RNF24: variants seen among roughly 807,000 people sequenced by gnomAD.
RNF24 encodes ring finger protein 24.
Under a neutral mutation model 20.0 loss-of-function variants are expected in RNF24, and 14 were observed. The ratio of observed to expected loss-of-function variants is 0.70; its 90% CI spans 0.46 to 1.10. The LOEUF (loss-of-function observed/expected upper bound fraction) is 1.10. RNF24 is among the 50% of genes least tolerant of loss of function. The probability of loss-of-function intolerance (pLI) is 0.00; values close to 1 mark genes in which losing one functional copy is unlikely to be tolerated. For missense variants in RNF24, 124 were observed against 177.6 expected (o/e 0.70, Z 1.71); for synonymous variants, 45 against 61.1 (o/e 0.74, Z 1.23).
chr20:3,945,034 G>A, intron 4 of RNF24, 143 bp downstream of exon 4: 1 of 1,037,914 alleles, frequency 9.6e-7, no homozygotes, highest in East Asian at 2.7e-5. Context: ...ATTTTTATGT[G>A]ACCTCACCCT....
chr20:3,962,921 G>A (rs565507670), intron 2 of RNF24, among the ~76,000 whole-genome samples: 206 of 151,970 alleles, frequency 1.4e-3, no homozygotes, highest in Non-Finnish European at 2.4e-3. Flanking sequence ...GGCTGGTCTC[G>A]AACTCCCGAC....
At chr20:4,002,251 T>C (rs1257997334) in intron 1 of RNF24, among the ~76,000 whole-genome samples, 1 of 151,812 alleles carries the variant, frequency 6.6e-6, no homozygotes, top group Non-Finnish European at 1.5e-5. Context: ...CCCGGCGTGG[T>C]GGTGGGCGCC....
At chr20:3,973,573 T>TA (rs1213961807) in intron 1 of RNF24, among the ~76,000 whole-genome samples, 1 of 145,988 alleles carries the variant, frequency 6.8e-6, no homozygotes, top group Non-Finnish European at 1.5e-5. Context: ...GAGAGATCAC[T>TA]ACAGACACTG....
intron 1 of RNF24, among the ~76,000 whole-genome samples, chr20:3,972,540 CT>C (rs1194389511): frequency 2.6e-5 from 4 of 152,136 alleles, no homozygotes; most frequent in African/African-American, 9.7e-5. Flanking sequence ...CAACACACTA[CT>C]AAATAATCTA....
chr20:3,998,029 T>C lies in RNF24; in HGVS notation c.-8+17408A>G, dbSNP rs375552228. Among the ~76,000 whole-genome samples the C allele has an allele frequency of 7.2e-5, 11 of 152,364 alleles. No individual in the cohort carries two copies. In the Middle Eastern group the frequency reaches 0.017, roughly 236 times the overall value. ...ACATCCAAAAATTTGAGGGGGAATA[T>C]GCTCTAAGGGTTGCACTTCTAAGTA... On this transcript the variant is annotated intron_variant, in intron 1 of 5. Coordinates refer to ENST00000358395, the MANE Select transcript of RNF24 (RefSeq NM_001134337.3).
intron 2 of RNF24, among the ~76,000 whole-genome samples, chr20:3,956,782 C>G (rs1046483220): frequency 3.0e-4 from 46 of 152,062 alleles, no homozygotes; most frequent in African/African-American, 1.1e-3. Context: ...TAATCTATAT[C>G]CTTATAGGGT....
chr20:3,943,676 G>A lies in RNF24; in HGVS notation c.228+1501C>T, dbSNP rs187924762. On this transcript the variant is annotated intron_variant, in intron 4 of 5. Coordinates refer to ENST00000358395, the MANE Select transcript of RNF24 (RefSeq NM_001134337.3). ...TGACCAGCGAAACAGGAATTGGTGG[G>A]TGTAGTTGGATACTAACTATGATAC... 1.1e-3 allele frequency among the ~76,000 whole-genome samples: 168 copies of A among 152,280 alleles called. 1 individual carries two copies. The highest frequency in any genetic ancestry group is 3.5e-3 in the African/African-American group (146 of 41,562).
chr20:3,959,577 A>G (rs2091179233), intron 2 of RNF24, among the ~76,000 whole-genome samples: 2 of 152,248 alleles, frequency 1.3e-5, no homozygotes, highest in African/African-American at 4.8e-5. Flanking sequence ...TAACTGGGGT[A>G]TGCATCACCC....
chr20:3,973,071 C>T (rs560869105), intron 1 of RNF24, among the ~76,000 whole-genome samples: 3 of 152,092 alleles, frequency 2.0e-5, no homozygotes, highest in Admixed American at 2.0e-4. Flanking sequence ...GGTGTGGTGG[C>T]AGGTGCCTGT....
intron 1 of RNF24, among the ~76,000 whole-genome samples, chr20:3,982,844 G>T (rs1367501494): frequency 6.6e-6 from 1 of 152,126 alleles, no homozygotes; most frequent in African/African-American, 2.4e-5. Context: ...AGCTGTGATT[G>T]TGCCAATGTA....
chr20:3,974,411 C>T (rs1298275575), intron 1 of RNF24: 1 of 1,540,180 alleles, frequency 6.5e-7, no homozygotes, highest in East Asian at 2.5e-5. Context: ...CTAGCCAGTG[C>T]AATAAGGTAG....
At chr20:3,944,069 G>GCGT (rs1568618549) in intron 4 of RNF24, among the ~76,000 whole-genome samples, 1 of 152,070 alleles carries the variant, frequency 6.6e-6, no homozygotes, top group Non-Finnish European at 1.5e-5. Flanking sequence ...AATTAGCTGG[G>GCGT]TGTGGTGGCG....
intron 2 of RNF24, among the ~76,000 whole-genome samples, chr20:3,949,660 G>A (rs1384033330): frequency 2.0e-5 from 3 of 152,130 alleles, no homozygotes; most frequent in African/African-American, 7.2e-5. Context: ...CTCCAGCCTG[G>A]GTGACGGAGT....
chr20:3,969,578 C>T (rs1600670655), intron 1 of RNF24, among the ~76,000 whole-genome samples: 1 of 151,258 alleles, frequency 6.6e-6, no homozygotes, highest in Non-Finnish European at 1.5e-5. Context: ...GTTAACAAGA[C>T]TGAAAGCTTT....
chr20:3,962,947 C>T (rs566366454), intron 2 of RNF24, among the ~76,000 whole-genome samples: 1 of 152,060 alleles, frequency 6.6e-6, no homozygotes, highest in South Asian at 2.1e-4. Flanking sequence ...GTAATCCGCC[C>T]ACCTCAGCCT....
intron 1 of RNF24, among the ~76,000 whole-genome samples, chr20:3,974,645 T>C (rs1248220829): frequency 6.6e-6 from 1 of 152,112 alleles, no homozygotes; most frequent in Admixed American, 6.6e-5. Flanking sequence ...ATAAATACAA[T>C]GACATTTACA....
At chr20:4,003,312 C>G (rs1311250183) in intron 1 of RNF24, among the ~76,000 whole-genome samples, 1 of 152,058 alleles carries the variant, frequency 6.6e-6, no homozygotes, top group Non-Finnish European at 1.5e-5. Flanking sequence ...GAATCCAGGG[C>G]CTCCTTCACA....
chr20:3,984,769 T>A (rs1979733763), intron 1 of RNF24, among the ~76,000 whole-genome samples: 1 of 152,132 alleles, frequency 6.6e-6, no homozygotes, highest in African/African-American at 2.4e-5. Flanking sequence ...TTTTTATTCT[T>A]CAGAGGATAA....
At chr20:3,990,720 T>A (rs528882616) in intron 1 of RNF24, among the ~76,000 whole-genome samples, 5 of 151,984 alleles carry the variant, frequency 3.3e-5, no homozygotes, top group South Asian at 2.1e-4. Flanking sequence ...ATATATATAT[T>A]TTTTAATTAG....
Sources: allele counts gnomAD v4.1 joint callset (sites outside exome capture counted in the v4.1 genomes callset), GRCh38; gene constraint gnomAD v4.1.1; transcripts MANE v1.5; gene names NCBI Gene and HGNC (gene_info 2026-07-23, HGNC 2026-07-21).